The following PPIL4 variants were observed in gnomAD, a reference collection of about 807,000 sequenced individuals.
PPIL4 encodes peptidylprolyl isomerase like 4.
PPIL4 carries 50 observed loss-of-function variants against 69.1 expected under a neutral mutation model. The ratio of observed to expected loss-of-function variants is 0.72; its 90% CI spans 0.58 to 0.92. The LOEUF (loss-of-function observed/expected upper bound fraction) is 0.92, where lower values mean the gene tolerates loss of function less well. Ranked by LOEUF, PPIL4 falls within the 40% of genes least tolerant of loss-of-function variation. PPIL4 has a pLI of 0.00. For synonymous variants in PPIL4, 193 were observed against 191.6 expected (o/e 1.01, Z -0.06); for missense variants, 480 against 587.9 (o/e 0.82, Z 1.90).
intron 10 of PPIL4, among the ~76,000 whole-genome samples, chr6:149,520,513 T>G (rs1185786089): frequency 6.6e-6 from 1 of 152,006 alleles, no homozygotes; most frequent in Non-Finnish European, 1.5e-5. Flanking sequence ...TATAATATAG[T>G]CAAACATAGA....
intron 9 of PPIL4, among the ~76,000 whole-genome samples, chr6:149,521,377 A>G (rs560003553): frequency 3.7e-4 from 57 of 152,324 alleles, no homozygotes; most frequent in Admixed American, 9.8e-4. Context: ...TCTTAATGAG[A>G]AAACAGAAGT....
chr6:149,521,143 T>A lies in PPIL4; in HGVS notation c.899A>T (p.Lys300Ile), dbSNP rs763730204. Residue 300 changes from lysine (K) to isoleucine (I), a missense_variant, in exon 10 of 13, where the codon AAA (lysine) becomes ATA (isoleucine). Physicochemically the swap from Lys to Ile is moderately radical, Grantham distance 102. Transcript: ENST00000253329. ...KEEDCEKAFF[K>I]MDNVLIDDRR... ...GTCATCTATAAGCACATTGTCCATT[T>A]TGAAGAATGCTTTCTCACAATCTTC... 2 of 1,597,678 alleles carry A rather than the reference T, an allele frequency of 1.3e-6. No individual in the cohort carries two copies. The highest frequency in any genetic ancestry group is 2.3e-5 in the South Asian group (2 of 88,666).
intron 1 of PPIL4, 33 bp from the exon 2 acceptor site, chr6:149,541,619 T>G: frequency 8.6e-7 from 1 of 1,161,884 alleles, no homozygotes; most frequent in Non-Finnish European, 1.3e-6. Flanking sequence ...TTTATCACAG[T>G]AATCCACAAA....
At chr6:149,511,535 A>G (rs1242762966) in intron 12 of PPIL4, among the ~76,000 whole-genome samples, 1 of 152,122 alleles carries the variant, frequency 6.6e-6, no homozygotes, top group East Asian at 1.9e-4. Flanking sequence ...TCGGCCTCCC[A>G]AAGTGCTAGG....
chr6:149,543,417 T>C (rs984224000), intron 1 of PPIL4, among the ~76,000 whole-genome samples: 12 of 152,194 alleles, frequency 7.9e-5, no homozygotes, highest in Admixed American at 6.5e-4. Context: ...GGAGAACCAA[T>C]AGATTAAAAC....
At chr6:149,533,322 C>T (rs569601345) in intron 7 of PPIL4, 136 bp downstream of exon 7, 14 of 586,658 alleles carry the variant, frequency 2.4e-5, no homozygotes, top group Admixed American at 2.1e-4. Context: ...ATTACTATGC[C>T]ATACCAAATT....
chr6:149,516,716 A>G (rs1776949245), intron 11 of PPIL4, among the ~76,000 whole-genome samples: 3 of 152,178 alleles, frequency 2.0e-5, no homozygotes. Flanking sequence ...TTTCTTTTTA[A>G]TCCTACAAAA....
chr6:149,541,097 CA>C, intron 3 of PPIL4, 38 bp from the exon 4 acceptor site: 1 of 1,195,992 alleles, frequency 8.4e-7, no homozygotes, highest in Non-Finnish European at 1.2e-6. Flanking sequence ...TAAGTACTCT[CA>C]AAATGAAATA....
At chr6:149,524,816 C>T (rs565035538) in intron 9 of PPIL4, among the ~76,000 whole-genome samples, 2 of 152,078 alleles carry the variant, frequency 1.3e-5, no homozygotes, top group Admixed American at 6.5e-5. Context: ...GCAAGAGAAT[C>T]GCTTGAACCA....
In PPIL4 at chr6:149,532,960, G is replaced by A. The variant is rs566945514; in HGVS notation, c.678+498C>T. 1.1e-4 allele frequency among the ~76,000 whole-genome samples: 16 copies of A among 152,066 alleles called. No individual in the cohort carries two copies. In the South Asian group the frequency reaches 3.1e-3, roughly 30 times the overall value. On this transcript the variant is annotated intron_variant, in intron 7 of 12. Coordinates refer to ENST00000253329, the MANE Select transcript of PPIL4 (RefSeq NM_139126.4). ...TGCCTATTCTACAAAAATAAGAAATGGAAAATAATACCAAGTAGGTCAATT... is the reference window on the plus strand; with the variant it reads ...TGCCTATTCTACAAAAATAAGAAATAGAAAATAATACCAAGTAGGTCAATT...
rs1222055961 is a variant in PPIL4 at position 149,521,076 on chromosome 6, A to G, written c.966T>C (p.Val322=). 1 of 1,581,232 alleles carries G rather than the reference A, an allele frequency of 6.3e-7. No homozygotes were observed. The highest frequency in any genetic ancestry group is 2.2e-5 in the East Asian group (1 of 44,710). ...CCATCATACCTTTTCCTTTCCATTT[A>G]ACCTTTGCAACCGACTGGCTAAAAT... ...HVDFSQSVAK[V]KWKGKGGKYT... The change falls in exon 10 of 13, where the codon GTT becomes GTC. Residue 322 remains valine (V), a synonymous_variant. Transcript: ENST00000253329.
intron 9 of PPIL4, among the ~76,000 whole-genome samples, chr6:149,522,240 G>C (rs894747067): frequency 6.6e-6 from 1 of 152,138 alleles, no homozygotes; most frequent in Non-Finnish European, 1.5e-5. Context: ...ACTTTTTCAG[G>C]AGGATAGTAT....
intron 3 of PPIL4, 129 bp downstream of exon 3, chr6:149,541,238 T>C: frequency 1.9e-6 from 1 of 524,490 alleles, no homozygotes; most frequent in East Asian, 3.2e-5. Flanking sequence ...TATTTTAAAA[T>C]GCAGATTGAA....
chr6:149,510,088 T>C (rs919615560), intron 12 of PPIL4, among the ~76,000 whole-genome samples: 1 of 152,074 alleles, frequency 6.6e-6, no homozygotes, highest in African/African-American at 2.4e-5. Context: ...CACCGATTCA[T>C]GTGAGAAATA....
intron 8 of PPIL4, 44 bp from the exon 9 acceptor site, chr6:149,525,253 A>G: frequency 9.6e-7 from 1 of 1,046,244 alleles, no homozygotes; most frequent in Admixed American, 2.2e-5. Context: ...AAAAAAAAGG[A>G]AGAAAGCATT....
At chr6:149,537,258 C>T (rs1375688501) in intron 4 of PPIL4, among the ~76,000 whole-genome samples, 5 of 152,056 alleles carry the variant, frequency 3.3e-5, no homozygotes, top group African/African-American at 1.2e-4. Context: ...TGGAAGATGC[C>T]ACTTAGGACT....
At chr6:149,514,765 A>AGTGTGTGTGTGTGT (rs36117544) in intron 11 of PPIL4, among the ~76,000 whole-genome samples, 9 of 149,456 alleles carry the variant, frequency 6.0e-5, no homozygotes, top group African/African-American at 2.2e-4. Flanking sequence ...TTTTGGTTCA[A>AGTGTGTGTGTGTGT]GTGTGTGTGT....
chr6:149,509,164 T>C (rs1776806260), intron 12 of PPIL4, among the ~76,000 whole-genome samples: 1 of 152,186 alleles, frequency 6.6e-6, no homozygotes, highest in Non-Finnish European at 1.5e-5. Context: ...TTAATAATTT[T>C]ATAGTTAATA....
At chr6:149,519,748 C>T (rs1777001766) in intron 10 of PPIL4, among the ~76,000 whole-genome samples, 1 of 152,116 alleles carries the variant, frequency 6.6e-6, no homozygotes, top group African/African-American at 2.4e-5. Flanking sequence ...CAATTCACAA[C>T]TAAATAGTGT....
Sources: allele counts gnomAD v4.1 joint callset (sites outside exome capture counted in the v4.1 genomes callset), GRCh38; gene constraint gnomAD v4.1.1; transcripts MANE v1.5; gene names NCBI Gene and HGNC (gene_info 2026-07-23, HGNC 2026-07-21).